The following CDH4 variants were observed in gnomAD, a reference collection of about 807,000 sequenced individuals.
CDH4 encodes cadherin 4, also known as cadherin-4.
CDH4 carries 33 observed loss-of-function variants against 86.0 expected under a neutral mutation model. The ratio of observed to expected loss-of-function variants is 0.38; its 90% CI spans 0.29 to 0.51. The LOEUF (loss-of-function observed/expected upper bound fraction) is 0.51, where lower values mean the gene tolerates loss of function less well. Among genes scored for constraint, CDH4 ranks in the 20% least tolerant of loss-of-function variants. The probability of loss-of-function intolerance (pLI) is 0.86; values close to 1 mark genes in which losing one functional copy is unlikely to be tolerated. For missense variants in CDH4, 1,114 were observed against 1,307.4 expected (o/e 0.85, Z 2.28); for synonymous variants, 555 against 549.4 (o/e 1.01, Z -0.14).
chr20:61,723,224 G>A (rs1311350858), intron 2 of CDH4, among the ~76,000 whole-genome samples: 2 of 152,190 alleles, frequency 1.3e-5, no homozygotes, highest in African/African-American at 2.4e-5. Context: ...CAGCCTGGAG[G>A]GAAGTGGACC....
chr20:61,446,385 T>A (rs1177266708), intron 2 of CDH4, among the ~76,000 whole-genome samples: 1 of 152,238 alleles, frequency 6.6e-6, no homozygotes, highest in African/African-American at 2.4e-5. Flanking sequence ...TATACTTTGA[T>A]CATACCCATA....
intron 2 of CDH4, among the ~76,000 whole-genome samples, chr20:61,503,192 G>A (rs1441597539): frequency 6.6e-6 from 1 of 152,184 alleles, no homozygotes; most frequent in Non-Finnish European, 1.5e-5. Flanking sequence ...TAAGAAACGG[G>A]ATATACGTGA....
intron 2 of CDH4, among the ~76,000 whole-genome samples, chr20:61,333,911 C>T (rs1452508434): frequency 1.3e-5 from 2 of 152,224 alleles, no homozygotes; most frequent in Non-Finnish European, 1.5e-5. Context: ...AGACCAGGGG[C>T]ACCATGAGGT....
chr20:61,907,614 G>A lies in CDH4; in HGVS notation c.1189-2808G>A, dbSNP rs112990185. Reference sequence around the variant, plus strand: ...CCAGCTCCTTGTCCTGCTGGGGGACGATCTGACTCCTGGGCGGCTCAAAAC... The same window carrying A: ...CCAGCTCCTTGTCCTGCTGGGGGACAATCTGACTCCTGGGCGGCTCAAAAC... On this transcript the variant is annotated intron_variant, in intron 8 of 15. Transcript: ENST00000614565. 3.6e-3 allele frequency among the ~76,000 whole-genome samples: 551 copies of A among 152,260 alleles called. 3 individuals are homozygous for A. The highest frequency in any genetic ancestry group is 9.2e-3 in the African/African-American group (384 of 41,552).
Position 61,743,758 on chromosome 20 carries a change from C to T in CDH4, c.365C>T (p.Ala122Val), listed in dbSNP as rs1257842577. The T allele has an allele frequency of 5.6e-6, 9 of 1,607,930 alleles. No homozygotes were observed. Among genetic ancestry groups the T allele is most frequent in the African/African-American group, 1.3e-5 (1 of 74,888 alleles). The change falls in exon 3 of 16, where the codon GCC becomes GTC. Residue 122 changes from alanine to valine, a missense_variant. Transcript: ENST00000614565. ...GACGCCGTGGTGCGGTTGCTGGTGG[C>T]CCAGACCTCGTCCCCGCACTCTGGA... ...KWDAVVRLLV[A>V]QTSSPHSGHK...
chr20:61,873,615 G>A (rs542501460), intron 6 of CDH4, 113 bp from the exon 7 acceptor site: 14 of 1,140,534 alleles, frequency 1.2e-5, no homozygotes, highest in African/African-American at 7.6e-5. Context: ...AGGGGGTTCC[G>A]CTACGCCAGA....
intron 2 of CDH4, among the ~76,000 whole-genome samples, chr20:61,453,659 A>G (rs978308641): frequency 1.3e-5 from 2 of 152,210 alleles, no homozygotes; most frequent in Non-Finnish European, 2.9e-5. Flanking sequence ...ATTTGATTCT[A>G]TGTATTTAAA....
intron 2 of CDH4, among the ~76,000 whole-genome samples, chr20:61,558,725 C>G (rs1004856607): frequency 6.6e-6 from 1 of 152,234 alleles, no homozygotes; most frequent in Non-Finnish European, 1.5e-5. Flanking sequence ...CCGTCTTTGC[C>G]CACTACCCTC....
At chr20:61,648,700 G>A (rs1002619180) in intron 2 of CDH4, among the ~76,000 whole-genome samples, 18 of 152,236 alleles carry the variant, frequency 1.2e-4, no homozygotes, top group African/African-American at 4.1e-4. Flanking sequence ...TTTGAGGCGC[G>A]CTCCCAGGGT....
At chr20:61,648,819 TA>T (rs2087092006) in intron 2 of CDH4, among the ~76,000 whole-genome samples, 1 of 152,178 alleles carries the variant, frequency 6.6e-6, no homozygotes, top group African/African-American at 2.4e-5. Flanking sequence ...CCAAGTGTGT[TA>T]ACATGTAAAG....
rs73611530 is a variant in CDH4 at position 61,495,252 on chromosome 20, A to G, written c.169+240315A>G. On this transcript the variant is annotated intron_variant, in intron 2 of 15. Coordinates refer to ENST00000614565, the MANE Select transcript of CDH4 (RefSeq NM_001794.5). Reference sequence around the variant, plus strand: ...TTCTGGACCTAGACCTTCAACCAGGAGAAACATGTCCCAGGCCCTGGAGCT... The same window carrying G: ...TTCTGGACCTAGACCTTCAACCAGGGGAAACATGTCCCAGGCCCTGGAGCT... Among the ~76,000 whole-genome samples the G allele has an allele frequency of 3.1e-4, 47 of 152,334 alleles. No individual in the cohort carries two copies. The East Asian group carries it at 8.9e-3, about 29-fold the overall frequency.
intron 2 of CDH4, among the ~76,000 whole-genome samples, chr20:61,574,268 C>A (rs1268057584): frequency 1.3e-5 from 2 of 152,260 alleles, no homozygotes; most frequent in Non-Finnish European, 2.9e-5. Flanking sequence ...CTGGGGCCTG[C>A]TCTCACTGGC....
chr20:61,491,475 G>A (rs958773996), intron 2 of CDH4, among the ~76,000 whole-genome samples: 3 of 152,212 alleles, frequency 2.0e-5, no homozygotes, highest in Admixed American at 6.5e-5. Flanking sequence ...AAGGAAGACA[G>A]CACAAAAGGG....
intron 2 of CDH4, among the ~76,000 whole-genome samples, chr20:61,525,477 T>TA (rs2085903166): frequency 6.6e-6 from 1 of 152,098 alleles, no homozygotes; most frequent in Non-Finnish European, 1.5e-5. Flanking sequence ...GCAGGGTCTG[T>TA]AGGCTGCTCA....
chr20:61,922,305 A>C (rs1362995307), intron 9 of CDH4, among the ~76,000 whole-genome samples: 1 of 152,100 alleles, frequency 6.6e-6, no homozygotes, highest in African/African-American at 2.4e-5. Flanking sequence ...AGCTTTTTCC[A>C]TGTAACTTCC....
At chr20:61,564,901 C>T (rs2086252848) in intron 2 of CDH4, among the ~76,000 whole-genome samples, 1 of 152,288 alleles carries the variant, frequency 6.6e-6, no homozygotes, top group South Asian at 2.1e-4. Flanking sequence ...CCACAGCATT[C>T]ACTCCACTTG....
chr20:61,642,799 T>G (rs2087024642), intron 2 of CDH4, among the ~76,000 whole-genome samples: 1 of 152,162 alleles, frequency 6.6e-6, no homozygotes, highest in African/African-American at 2.4e-5. Flanking sequence ...GGAGGCTGCC[T>G]GCATTCCTCA....
chr20:61,665,358 A>G (rs2087311262), intron 2 of CDH4, among the ~76,000 whole-genome samples: 2 of 152,236 alleles, frequency 1.3e-5, no homozygotes, highest in Admixed American at 1.3e-4. Context: ...GTGAAATGGC[A>G]TACCCAACAA....
At chr20:61,702,536 A>G (rs1196038831) in intron 2 of CDH4, among the ~76,000 whole-genome samples, 1 of 152,242 alleles carries the variant, frequency 6.6e-6, no homozygotes, top group East Asian at 1.9e-4. Context: ...CATTCTGGTG[A>G]TGCAATTCAT....
Sources: gnomAD v4.1 joint callset for allele counts (sites outside exome capture counted in the v4.1 genomes callset) on GRCh38, gnomAD v4.1.1 for gene constraint, MANE v1.5 for transcripts, NCBI Gene and HGNC (gene_info 2026-07-23, HGNC 2026-07-21) for gene names.